The following DPP10 variants were observed in gnomAD, a reference collection of about 807,000 sequenced individuals.
The protein encoded by DPP10 is inactive dipeptidyl peptidase 10.
In DPP10, 33 loss-of-function variants were observed where a neutral mutation model predicts 120.9. The observed-to-expected ratio is 0.27, with a 90% CI of 0.21 to 0.37. The LOEUF is 0.37. Among genes scored for constraint, DPP10 ranks in the 10% least tolerant of loss-of-function variants. The probability of loss-of-function intolerance (pLI) is 1.00; values close to 1 mark genes in which losing one functional copy is unlikely to be tolerated. For missense variants in DPP10, 816 were observed against 942.8 expected (o/e 0.87, Z 1.76); for synonymous variants, 337 against 326.1 (o/e 1.03, Z -0.36).
intron 3 of DPP10, among the ~76,000 whole-genome samples, chr2:115,355,543 A>G (rs878944419): frequency 1.3e-5 from 2 of 152,166 alleles, no homozygotes; most frequent in Non-Finnish European, 1.5e-5. Flanking sequence ...TTTGCTGTGC[A>G]GATTCTCTTT....
chr2:115,352,654 C>T (rs1055183073), intron 3 of DPP10, among the ~76,000 whole-genome samples: 4 of 152,042 alleles, frequency 2.6e-5, no homozygotes, highest in East Asian at 1.9e-4. Context: ...CTTTGATCAA[C>T]GACATTATGA....
At position 115,317,705 on chromosome 2, in the gene DPP10, C is replaced by T. The variant is rs2061863657; in HGVS notation, c.175+8352C>T. ...TCTCATTTGGTTTTAATTTGCATTTCCCTAATAATTAACTATGTTGACTGA... is the reference window on the plus strand; with the variant it reads ...TCTCATTTGGTTTTAATTTGCATTTTCCTAATAATTAACTATGTTGACTGA... On this transcript the variant is annotated intron_variant, in intron 2 of 25. Coordinates refer to ENST00000410059, the MANE Select transcript of DPP10 (RefSeq NM_020868.6). Among the ~76,000 whole-genome samples, 6 of 149,724 alleles carry T rather than the reference C, an allele frequency of 4.0e-5. No homozygotes were observed. The South Asian group carries it at 1.3e-3, about 32-fold the overall frequency.
intron 5 of DPP10, among the ~76,000 whole-genome samples, chr2:115,530,172 C>T (rs1002276570): frequency 2.0e-5 from 3 of 151,780 alleles, no homozygotes; most frequent in African/African-American, 7.3e-5. Flanking sequence ...TATATCATTT[C>T]ATTTATTTAT....
At chr2:114,526,229 T>C (rs1685486501) in intron 1 of DPP10, among the ~76,000 whole-genome samples, 1 of 152,224 alleles carries the variant, frequency 6.6e-6, no homozygotes, top group Non-Finnish European at 1.5e-5. Context: ...ACATTAGTTA[T>C]GTTGTTGTGT....
chr2:115,177,360 G>A (rs1006122693), intron 1 of DPP10, among the ~76,000 whole-genome samples: 6 of 152,158 alleles, frequency 3.9e-5, no homozygotes, highest in African/African-American at 1.4e-4. Flanking sequence ...AGTAACCTAA[G>A]CATCTGATTT....
intron 1 of DPP10, among the ~76,000 whole-genome samples, chr2:114,464,788 C>T (rs1220874689): frequency 6.6e-6 from 1 of 152,118 alleles, no homozygotes; most frequent in Admixed American, 6.6e-5. Context: ...TCGCTTGAAC[C>T]CAGGAGGCAG....
rs747524920 is a variant in DPP10 at position 115,674,048 on chromosome 2, CAAACAAAACA to C, written c.442-15621_442-15612del. Among the ~76,000 whole-genome samples, 285 of 151,966 alleles carry C rather than the reference CAAACAAAACA, an allele frequency of 1.9e-3. 1 individual carries two copies. Among genetic ancestry groups the C allele is most frequent in the Non-Finnish European group, 2.7e-3 (184 of 67,934 alleles). ...CCAACAAGGAGAAACTCTGTCTCTA[CAAACAAAACA>C]AAACAAAACAAAACAAACTAGCTGG... is the stretch of plus-strand genomic sequence containing the variant. On this transcript the variant is annotated intron_variant, in intron 5 of 25. Transcript: ENST00000410059.
At chr2:114,454,033 C>T (rs551620385) in intron 1 of DPP10, among the ~76,000 whole-genome samples, 3 of 152,056 alleles carry the variant, frequency 2.0e-5, no homozygotes, top group African/African-American at 7.2e-5. Context: ...ATGACCATAG[C>T]GTATGAAAAG....
At chr2:115,018,373 A>G (rs1033074837) in intron 1 of DPP10, among the ~76,000 whole-genome samples, 2 of 152,184 alleles carry the variant, frequency 1.3e-5, no homozygotes, top group Non-Finnish European at 1.5e-5. Flanking sequence ...TACCCAAAGG[A>G]TTATAAATCA....
intron 1 of DPP10, among the ~76,000 whole-genome samples, chr2:114,737,082 T>C (rs978174545): frequency 1.3e-5 from 2 of 152,198 alleles, no homozygotes; most frequent in Non-Finnish European, 2.9e-5. Context: ...CTTATGATCT[T>C]TAGGAATTGT....
chr2:115,456,681 AC>A (rs915906196), intron 3 of DPP10, among the ~76,000 whole-genome samples: 2 of 152,134 alleles, frequency 1.3e-5, no homozygotes, highest in African/African-American at 4.8e-5. Flanking sequence ...GAAGCTGGAA[AC>A]CATCATTCTC....
intron 3 of DPP10, among the ~76,000 whole-genome samples, chr2:115,455,543 A>C (rs991196609): frequency 2.0e-5 from 3 of 152,140 alleles, no homozygotes; most frequent in African/African-American, 7.2e-5. Flanking sequence ...AGCTGGAGGC[A>C]TCATGCTACC....
intron 1 of DPP10, among the ~76,000 whole-genome samples, chr2:114,451,766 G>A (rs1051331811): frequency 6.6e-6 from 1 of 152,078 alleles, no homozygotes; most frequent in Non-Finnish European, 1.5e-5. Flanking sequence ...ACAAGATCTT[G>A]GGATCTAAAT....
At chr2:115,246,690 A>G (rs2058548631) in intron 1 of DPP10, among the ~76,000 whole-genome samples, 1 of 152,142 alleles carries the variant, frequency 6.6e-6, no homozygotes, top group Non-Finnish European at 1.5e-5. Flanking sequence ...GGACACACAC[A>G]GATGTTGTTG....
intron 19 of DPP10, among the ~76,000 whole-genome samples, chr2:115,806,690 G>A (rs1052285923): frequency 2.6e-5 from 4 of 152,120 alleles, no homozygotes; most frequent in African/African-American, 9.7e-5. Context: ...TAGCCTATAT[G>A]TATTGTCAGC....
chr2:115,387,533 A>G (rs964159010), intron 3 of DPP10, among the ~76,000 whole-genome samples: 4 of 152,162 alleles, frequency 2.6e-5, no homozygotes, highest in African/African-American at 7.2e-5. Flanking sequence ...TAACTCTCCT[A>G]CAATTCTGTT....
chr2:115,258,374 A>G (rs1333087012), intron 1 of DPP10, among the ~76,000 whole-genome samples: 5 of 152,080 alleles, frequency 3.3e-5, no homozygotes, highest in Non-Finnish European at 7.4e-5. Context: ...AATAGATGAT[A>G]AAGTTATTCA....
intron 2 of DPP10, among the ~76,000 whole-genome samples, chr2:115,331,523 A>G (rs1012044473): frequency 6.6e-6 from 1 of 152,176 alleles, no homozygotes; most frequent in Non-Finnish European, 1.5e-5. Flanking sequence ...GAATGCTCCC[A>G]GTTTTTGCCC....
intron 1 of DPP10, among the ~76,000 whole-genome samples, chr2:114,628,267 C>T (rs1694659676): frequency 6.6e-6 from 1 of 152,030 alleles, no homozygotes; most frequent in Non-Finnish European, 1.5e-5. Context: ...TTTTATGCTT[C>T]AGAGATTTAA....
Sources: gnomAD v4.1 joint callset for allele counts (sites outside exome capture counted in the v4.1 genomes callset) on GRCh38, gnomAD v4.1.1 for gene constraint, MANE v1.5 for transcripts, NCBI Gene and HGNC (gene_info 2026-07-23, HGNC 2026-07-21) for gene names.